ZNF536: variants seen among roughly 807,000 people sequenced by gnomAD.
The protein encoded by ZNF536 is zinc finger protein 536.
ZNF536 carries 13 observed loss-of-function variants against 84.5 expected under a neutral mutation model. That is an observed-to-expected ratio of 0.15 (90% CI 0.10 to 0.24). ZNF536 has a LOEUF of 0.24. Ranked by LOEUF, ZNF536 falls within the 10% of genes least tolerant of loss-of-function variation. The probability of loss-of-function intolerance (pLI) is 1.00; values close to 1 mark genes in which losing one functional copy is unlikely to be tolerated. For missense variants in ZNF536, 1,536 were observed against 1,747.5 expected (o/e 0.88, Z 2.16); for synonymous variants, 811 against 742.5 (o/e 1.09, Z -1.50).
chr19:30,668,595 A>G (rs147769060), intron 1 of ZNF536: 2,570 of 152,426 alleles, frequency 0.017, 30 homozygotes, highest in Middle Eastern at 0.041. Context: ...GAGTTGACCC[A>G]GATCTGTGGT....
intron 3 of ZNF536, among the ~76,000 whole-genome samples, chr19:30,357,272 T>G (rs936116346): frequency 1.3e-5 from 2 of 152,046 alleles, no homozygotes; most frequent in African/African-American, 4.8e-5. Flanking sequence ...CAGAGCAGGG[T>G]GAAGTTCTGG....
chr19:30,384,146 TTCTTTC>T lies in ZNF536; in HGVS notation c.-3+11592_-3+11597del, dbSNP rs1421149221. ...TTTCTTTCTTTCTTTCTTTCTTTCT[TTCTTTC>T]TTTCTTTCTTTCGTTTCCTTCTTTC... On this transcript the variant is annotated intron_variant, in intron 1 of 4. Transcript: ENST00000355537. 8.0e-5 allele frequency among the ~76,000 whole-genome samples: 7 copies of T among 87,110 alleles called. No individual in the cohort carries two copies. The South Asian group carries it at 3.4e-3, about 42-fold the overall frequency. 57.1% of individuals were successfully genotyped at this position (87,110 alleles called of 152,430 possible).
intron 2 of ZNF536, among the ~76,000 whole-genome samples, chr19:30,477,421 A>T (rs2053894783): frequency 6.6e-6 from 1 of 152,192 alleles, no homozygotes; most frequent in Admixed American, 6.5e-5. Context: ...GTGTTGAATG[A>T]ATTTCTGCGG....
intron 2 of ZNF536, among the ~76,000 whole-genome samples, chr19:30,299,836 AT>A (rs1312636212): frequency 6.6e-6 from 1 of 152,202 alleles, no homozygotes; most frequent in East Asian, 1.9e-4. Flanking sequence ...TGCCATTTTT[AT>A]TACCTTAAAA....
chr19:30,570,021 G>C (rs550196917), intron 1 of ZNF536, among the ~76,000 whole-genome samples: 3 of 152,118 alleles, frequency 2.0e-5, no homozygotes, highest in Non-Finnish European at 4.4e-5. Context: ...TGGCATCCAG[G>C]GGCCAGAGAT....
chr19:30,345,517 A>G (rs2047713128), intron 2 of ZNF536, among the ~76,000 whole-genome samples: 1 of 152,246 alleles, frequency 6.6e-6, no homozygotes, highest in South Asian at 2.1e-4. Flanking sequence ...TGGTAATAGC[A>G]TGAAGGTGGC....
At chr19:30,227,368 G>T (rs1357720676), upstream of ZNF536, among the ~76,000 whole-genome samples, 1 of 152,164 alleles carries the variant, frequency 6.6e-6, no homozygotes, top group Non-Finnish European at 1.5e-5. Context: ...ATGTTGGGGG[G>T]CGGGGAGCGT....
intron 1 of ZNF536, among the ~76,000 whole-genome samples, chr19:30,588,621 G>T (rs182159999): frequency 2.0e-5 from 3 of 152,252 alleles, no homozygotes; most frequent in Admixed American, 6.5e-5. Flanking sequence ...GTTTGGTGCT[G>T]CTCTGCCTTT....
chr19:30,573,451 C>T (rs10409989), intron 1 of ZNF536, among the ~76,000 whole-genome samples: 42,768 of 152,064 alleles, frequency 0.28, 6,214 homozygotes, highest in East Asian at 0.42. Flanking sequence ...GGTAGGACTA[C>T]TGGGCCTAGG....
chr19:30,542,085 CTT>C (rs1245341265), intron 3 of ZNF536, among the ~76,000 whole-genome samples: 3 of 152,030 alleles, frequency 2.0e-5, no homozygotes, highest in African/African-American at 7.3e-5. Context: ...AAGTGAAACA[CTT>C]TTGGAGATTT....
At chr19:30,644,984 A>G (rs1193580438) in intron 1 of ZNF536, among the ~76,000 whole-genome samples, 1 of 152,154 alleles carries the variant, frequency 6.6e-6, no homozygotes, top group Non-Finnish European at 1.5e-5. Context: ...AGTCCCACCA[A>G]CAGTGTAAAA....
chr19:30,604,584 G>A (rs2047803937), intron 1 of ZNF536, among the ~76,000 whole-genome samples: 1 of 152,180 alleles, frequency 6.6e-6, no homozygotes, highest in Admixed American at 6.5e-5. Context: ...TTTATGATCA[G>A]AGGCACTAAC....
intron 2 of ZNF536, among the ~76,000 whole-genome samples, chr19:30,531,086 G>A (rs2044794220): frequency 6.6e-6 from 1 of 152,176 alleles, no homozygotes. Flanking sequence ...TTTCCAGTAG[G>A]ATTAGTCTAA....
chr19:30,270,610 G>A (rs1288324556), intron 1 of ZNF536, among the ~76,000 whole-genome samples: 3 of 152,176 alleles, frequency 2.0e-5, no homozygotes, highest in Admixed American at 6.5e-5. Flanking sequence ...CAATATATTC[G>A]CGTCTTTTAG....
intron 1 of ZNF536, among the ~76,000 whole-genome samples, chr19:30,236,816 AG>A (rs1287628454): frequency 1.3e-5 from 2 of 151,738 alleles, no homozygotes; most frequent in South Asian, 2.1e-4. Flanking sequence ...TGTCCTTTGG[AG>A]GGGGGTGGTA....
chr19:30,350,476 G>A (rs1363994706), intron 2 of ZNF536, among the ~76,000 whole-genome samples: 1 of 152,218 alleles, frequency 6.6e-6, no homozygotes, highest in Non-Finnish European at 1.5e-5. Flanking sequence ...GTTAATTAAT[G>A]TGTGCAATCA....
At chr19:30,477,223 GTA>G (rs2053886923) in intron 2 of ZNF536, among the ~76,000 whole-genome samples, 1 of 152,030 alleles carries the variant, frequency 6.6e-6, no homozygotes, top group African/African-American at 2.4e-5. Context: ...TAACTATTTG[GTA>G]TTCTTTTATT....
intron 1 of ZNF536, among the ~76,000 whole-genome samples, chr19:30,372,877 A>T (rs2048664157): frequency 6.6e-6 from 1 of 150,878 alleles, no homozygotes; most frequent in African/African-American, 2.4e-5. Context: ...AAACAAAGCA[A>T]AAACACCAAC....
At chr19:30,419,858 GC>G (rs1447958818) in intron 1 of ZNF536, among the ~76,000 whole-genome samples, 1 of 152,186 alleles carries the variant, frequency 6.6e-6, no homozygotes, top group African/African-American at 2.4e-5. Flanking sequence ...TCCTTTCCAG[GC>G]ACGGAGAAGC....
Sources: allele counts gnomAD v4.1 joint callset (sites outside exome capture counted in the v4.1 genomes callset), GRCh38; gene constraint gnomAD v4.1.1; transcripts MANE v1.5; gene names NCBI Gene and HGNC (gene_info 2026-07-23, HGNC 2026-07-21).